Variants in MEGF11 observed in about 807,000 individuals in gnomAD.
MEGF11 encodes multiple epidermal growth factor-like domains protein 11.
MEGF11 carries 126 observed loss-of-function variants against 146.6 expected under a neutral mutation model. The ratio of observed to expected loss-of-function variants is 0.86; its 90% CI spans 0.74 to 1.00. MEGF11 has a LOEUF of 1.00. Ranked by LOEUF, MEGF11 falls within the 50% of genes least tolerant of loss-of-function variation. The pLI is 0.00. For synonymous variants in MEGF11, 532 were observed against 583.4 expected (o/e 0.91, Z 1.27); for missense variants, 1,509 against 1,521.2 (o/e 0.99, Z 0.13).
chr15:65,985,814 G>A (rs1380732454), intron 5 of MEGF11, among the ~76,000 whole-genome samples: 1 of 151,976 alleles, frequency 6.6e-6, no homozygotes, highest in African/African-American at 2.4e-5. Context: ...CCCTACGAAA[G>A]TGCTCTAATA....
At chr15:65,925,806 T>C (rs1274759747) in intron 13 of MEGF11, among the ~76,000 whole-genome samples, 1 of 152,170 alleles carries the variant, frequency 6.6e-6, no homozygotes, top group Admixed American at 6.5e-5. Context: ...GCAGCCCATA[T>C]CCTTCAGGGT....
chr15:66,101,475 A>C (rs7178692), intron 4 of MEGF11, among the ~76,000 whole-genome samples: 146,948 of 152,194 alleles, frequency 0.97, 71,170 homozygotes, highest in Middle Eastern at 1. Context: ...CTGCCCACCC[A>C]CTCCCCACAG....
At chr15:65,926,168 G>A (rs141538133) in intron 13 of MEGF11, among the ~76,000 whole-genome samples, 175 of 152,302 alleles carry the variant, frequency 1.1e-3, no homozygotes, top group African/African-American at 4.1e-3. Flanking sequence ...CCAATATAAA[G>A]GCTTGGTAAT....
chr15:66,102,136 T>C (rs188801262), intron 4 of MEGF11, among the ~76,000 whole-genome samples: 105 of 125,198 alleles, frequency 8.4e-4, no homozygotes, highest in African/African-American at 3.0e-3. Context: ...ATTCCCTTAA[T>C]CGATGCTTCG....
intron 5 of MEGF11, among the ~76,000 whole-genome samples, chr15:66,024,680 A>G (rs1411621350): frequency 6.6e-6 from 1 of 152,176 alleles, no homozygotes; most frequent in Non-Finnish European, 1.5e-5. Context: ...AGGTCACTAT[A>G]TAAGTGACCA....
chr15:65,926,663 C>T (rs2079383343), intron 13 of MEGF11, among the ~76,000 whole-genome samples: 1 of 152,194 alleles, frequency 6.6e-6, no homozygotes, highest in African/African-American at 2.4e-5. Context: ...CATGACAAAC[C>T]TCAGGACATC....
chr15:65,950,070 CTCAGGCCAGGACCAG>C (rs2080340835), intron 10 of MEGF11, among the ~76,000 whole-genome samples: 1 of 152,172 alleles, frequency 6.6e-6, no homozygotes, highest in Non-Finnish European at 1.5e-5. Context: ...AAACAGGGCA[CTCAGGCCAGGACCAG>C]TCATCCTCTT....
At chr15:65,994,793 C>T (rs551274300) in intron 5 of MEGF11, among the ~76,000 whole-genome samples, 33 of 152,304 alleles carry the variant, frequency 2.2e-4, no homozygotes, top group Non-Finnish European at 3.8e-4. Context: ...AGCATTCACA[C>T]CACCACTGTT....
intron 5 of MEGF11, among the ~76,000 whole-genome samples, chr15:66,069,072 C>A (rs1434183859): frequency 6.6e-6 from 1 of 152,234 alleles, no homozygotes; most frequent in Non-Finnish European, 1.5e-5. Context: ...CTCTCTCAGC[C>A]TCAGCTTCTG....
intron 10 of MEGF11, among the ~76,000 whole-genome samples, chr15:65,950,627 A>ACACACACACAC (rs2080371053): frequency 1.4e-5 from 2 of 142,894 alleles, no homozygotes; most frequent in Admixed American, 7.0e-5. Flanking sequence ...ACACACACAC[A>ACACACACACAC]AAAGGAAATA....
At chr15:65,902,897 C>T (rs1453587113) in intron 24 of MEGF11, among the ~76,000 whole-genome samples, 1 of 152,150 alleles carries the variant, frequency 6.6e-6, no homozygotes. Flanking sequence ...TCCAGGGCCA[C>T]CTTGTGTGTG....
chr15:66,133,545 C>T (rs1375112682), intron 1 of MEGF11, among the ~76,000 whole-genome samples: 5 of 152,220 alleles, frequency 3.3e-5, no homozygotes, highest in Non-Finnish European at 5.9e-5. Flanking sequence ...CCAAGGTTAT[C>T]GCCCCGTCTA....
At chr15:66,131,774 T>C (rs530254344) in intron 1 of MEGF11, among the ~76,000 whole-genome samples, 2 of 152,236 alleles carry the variant, frequency 1.3e-5, no homozygotes, top group Non-Finnish European at 2.9e-5. Flanking sequence ...TAGCATAGCT[T>C]AGACTCTGAG....
chr15:66,028,232 C>A (rs2083402624), intron 5 of MEGF11, among the ~76,000 whole-genome samples: 1 of 152,218 alleles, frequency 6.6e-6, no homozygotes, highest in Admixed American at 6.5e-5. Context: ...CTGCAGCACC[C>A]AGCACAGACC....
At position 66,036,751 on chromosome 15, in the gene MEGF11, T is replaced by C. The variant is rs562948331; in HGVS notation, c.395-54263A>G. Among the ~76,000 whole-genome samples, 52 of 152,310 alleles carry C rather than the reference T, an allele frequency of 3.4e-4. 1 individual carries two copies. The highest frequency in any genetic ancestry group is 3.4e-3 in the Admixed American group (52 of 15,302). ...AGCAGGGAGCTGGGAGCCTTAAACA[T>C]AAGCTGAATTCAGATTGGTACCCAG... On this transcript the variant is annotated intron_variant, in intron 5 of 25. Transcript: ENST00000395614.
intron 7 of MEGF11, among the ~76,000 whole-genome samples, chr15:65,980,462 A>G (rs2141676622): frequency 7.5e-6 from 1 of 133,160 alleles, no homozygotes; most frequent in East Asian, 2.1e-4. Flanking sequence ...GGAGTGCAGC[A>G]AATTGATCTT....
chr15:66,084,221 G>A (rs1464691290), intron 5 of MEGF11, among the ~76,000 whole-genome samples: 1 of 152,142 alleles, frequency 6.6e-6, no homozygotes, highest in Non-Finnish European at 1.5e-5. Context: ...TATCTAATAA[G>A]TGGTTAATAT....
chr15:66,206,759 C>T (rs1357672161), intron 1 of MEGF11, among the ~76,000 whole-genome samples: 1 of 152,090 alleles, frequency 6.6e-6, no homozygotes, highest in African/African-American at 2.4e-5. Context: ...AAAAATTAGC[C>T]AGGCATGGTA....
At chr15:66,089,343 CT>C (rs2086233312) in intron 5 of MEGF11, among the ~76,000 whole-genome samples, 1 of 152,190 alleles carries the variant, frequency 6.6e-6, no homozygotes, top group Non-Finnish European at 1.5e-5. Flanking sequence ...GTGTACCGGG[CT>C]TTGACTTATC....
Sources: gnomAD v4.1 joint callset for allele counts (sites outside exome capture counted in the v4.1 genomes callset) on GRCh38, gnomAD v4.1.1 for gene constraint, MANE v1.5 for transcripts, NCBI Gene and HGNC (gene_info 2026-07-23, HGNC 2026-07-21) for gene names.